The following NEDD4L variants were observed in gnomAD, a reference collection of about 807,000 sequenced individuals.
NEDD4L encodes the protein NEDD4 like E3 ubiquitin protein ligase, also known as E3 ubiquitin-protein ligase NEDD4-like.
NEDD4L carries 54 observed loss-of-function variants against 148.9 expected under a neutral mutation model. That is an observed-to-expected ratio of 0.36 (90% confidence interval 0.29 to 0.45). The LOEUF (loss-of-function observed/expected upper bound fraction) is 0.45, where lower values mean the gene tolerates loss of function less well. NEDD4L is among the 20% of genes least tolerant of loss of function. NEDD4L has a pLI of 1.00. For missense variants in NEDD4L, 856 were observed against 1,233.8 expected, an observed-to-expected ratio of 0.69 and a Z score of 4.59; for synonymous variants, 433 against 440.7, an observed-to-expected ratio of 0.98 and a Z score of 0.22.
At chr18:58,317,935 AG>A (rs1395412952) in intron 6 of NEDD4L, among the ~76,000 whole-genome samples, 7 of 152,212 alleles carry the variant, frequency 4.6e-5, no homozygotes, top group African/African-American at 1.7e-4. Flanking sequence ...AGAAAACAAA[AG>A]GAGAGGCGTG....
chr18:58,125,268 C>T (rs2030832083), intron 1 of NEDD4L, among the ~76,000 whole-genome samples: 1 of 152,104 alleles, frequency 6.6e-6, no homozygotes, highest in South Asian at 2.1e-4. Context: ...ACAGAAATTT[C>T]CTGTGTTGCA....
At position 58,256,144 on chromosome 18, in the gene NEDD4L, C is replaced by T. The variant is rs1284359852; in HGVS notation, c.297+4090C>T. The stretch of plus-strand genomic sequence containing the variant: ...GGGACCCAGGGCTCCAGGTCAACGG[C>T]ACGTGCGGCCGCCGCGTGCGGTGCT... On this transcript the variant is annotated intron_variant, in intron 5 of 30. Transcript: ENST00000400345. This position sits in a 1 kb window ranked among gnomAD's most constrained non-coding sequence, Gnocchi z 5.2. 3 of 1,222,686 alleles carry T rather than the reference C, an allele frequency of 2.5e-6. No homozygotes were observed. The highest frequency in any genetic ancestry group is 3.1e-6 in the Non-Finnish European group (3 of 982,386). 75.7% of individuals were successfully genotyped at this position (1,222,686 alleles called of 1,614,324 possible).
chr18:58,339,038 C>G (rs928747175), intron 13 of NEDD4L, among the ~76,000 whole-genome samples: 2 of 152,114 alleles, frequency 1.3e-5, no homozygotes, highest in Non-Finnish European at 2.9e-5. Context: ...AGTGTCCTTT[C>G]CAGAGATTGA....
chr18:58,221,259 C>G (rs751299067), intron 2 of NEDD4L, among the ~76,000 whole-genome samples: 1 of 152,142 alleles, frequency 6.6e-6, no homozygotes, highest in Non-Finnish European at 1.5e-5. Flanking sequence ...TCTGATCTGG[C>G]TTTAAATAAG....
At position 58,398,597 on chromosome 18, in the gene NEDD4L, A is replaced by G. The variant is rs535458661; in HGVS notation, c.*2328A>G. ...ACTTGGAAGGCAGTAATTGTGAGTG[A>G]CACCTCAGTTCATCAACCCCTTAAT... On this transcript the variant is annotated 3_prime_UTR_variant, in exon 31 of 31. Coordinates refer to ENST00000400345, the MANE Select transcript of NEDD4L (RefSeq NM_001144967.3). 2 of 152,388 alleles carry G rather than the reference A, an allele frequency of 1.3e-5. No homozygotes were observed. Among genetic ancestry groups the G allele is most frequent in the African/African-American group, 4.8e-5 (2 of 41,594 alleles). The allele number at this position is 152,388 out of a possible 1,614,324, so 9.4% of individuals were successfully genotyped here. A position where few individuals can be genotyped will look rare whatever the true frequency, so the allele number is the denominator to read the frequency against.
At chr18:58,085,421 A>G (rs771165860) in intron 1 of NEDD4L, among the ~76,000 whole-genome samples, 1 of 152,176 alleles carries the variant, frequency 6.6e-6, no homozygotes, top group African/African-American at 2.4e-5. Flanking sequence ...CTGTAAAACC[A>G]TGCTTCAGGA....
At chr18:58,302,363 G>A (rs2056588465) in intron 5 of NEDD4L, among the ~76,000 whole-genome samples, 1 of 152,148 alleles carries the variant, frequency 6.6e-6, no homozygotes, top group Admixed American at 6.5e-5. Context: ...ATTGCTTTAT[G>A]AAATTATTTT....
intron 2 of NEDD4L, among the ~76,000 whole-genome samples, chr18:58,243,554 A>AC (rs2046893271): frequency 6.6e-6 from 1 of 151,764 alleles, no homozygotes; most frequent in Non-Finnish European, 1.5e-5. Flanking sequence ...TGTTTTAATC[A>AC]CCCCCTCCCC....
chr18:58,234,062 T>TTTCTTTCC (rs2045609240), intron 2 of NEDD4L, among the ~76,000 whole-genome samples: 1 of 84,558 alleles, frequency 1.2e-5, no homozygotes, highest in Non-Finnish European at 2.3e-5. Context: ...TCTTTCTTTC[T>TTTCTTTCC]TTCTTTCTTT....
intron 1 of NEDD4L, among the ~76,000 whole-genome samples, chr18:58,050,386 C>T (rs1379440732): frequency 6.6e-6 from 1 of 152,072 alleles, no homozygotes; most frequent in Non-Finnish European, 1.5e-5. Context: ...AGGAGAATAG[C>T]TTGAACCCTG....
intron 1 of NEDD4L, among the ~76,000 whole-genome samples, chr18:58,153,449 C>T (rs895895259): frequency 1.3e-5 from 2 of 151,530 alleles, no homozygotes; most frequent in Non-Finnish European, 2.9e-5. Context: ...CAGCGGTTCT[C>T]CTGCCTCAGC....
intron 2 of NEDD4L, among the ~76,000 whole-genome samples, chr18:58,193,026 C>G (rs151109821): frequency 1.1e-3 from 167 of 152,266 alleles, no homozygotes; most frequent in South Asian, 2.1e-3. Context: ...GTGGCAGTTG[C>G]AAAGGTTTTT....
intron 14 of NEDD4L, among the ~76,000 whole-genome samples, 166 bp downstream of exon 14, chr18:58,341,335 G>A (rs2042394740): frequency 6.6e-6 from 1 of 152,174 alleles, no homozygotes; most frequent in Non-Finnish European, 1.5e-5. Flanking sequence ...GCCTAAGGAA[G>A]AATTTGCTTT....
At chr18:58,274,076 G>A (rs1195339249) in intron 5 of NEDD4L, among the ~76,000 whole-genome samples, 3 of 152,160 alleles carry the variant, frequency 2.0e-5, no homozygotes, top group Non-Finnish European at 4.4e-5. Flanking sequence ...TTGCTTTAGG[G>A]ATCCAGCTGC....
intron 5 of NEDD4L, among the ~76,000 whole-genome samples, chr18:58,260,177 A>G (rs1303001361): frequency 3.3e-5 from 5 of 152,216 alleles, no homozygotes; most frequent in African/African-American, 1.2e-4. Flanking sequence ...TCTCAAAAAA[A>G]TAAAAATAAA....
chr18:58,138,152 T>C (rs1478770176), intron 1 of NEDD4L, among the ~76,000 whole-genome samples: 1 of 152,238 alleles, frequency 6.6e-6, no homozygotes, highest in Admixed American at 6.5e-5. Context: ...TCTGATATTT[T>C]CTGGTTGAGT....
intron 2 of NEDD4L, among the ~76,000 whole-genome samples, chr18:58,218,387 G>A (rs1308167395): frequency 6.6e-6 from 1 of 152,118 alleles, no homozygotes; most frequent in Non-Finnish European, 1.5e-5. Context: ...ACAATTAAAG[G>A]AATGTCATGA....
intron 1 of NEDD4L, among the ~76,000 whole-genome samples, chr18:58,140,000 A>G (rs1487410241): frequency 2.0e-5 from 3 of 152,216 alleles, no homozygotes; most frequent in Non-Finnish European, 4.4e-5. Context: ...ACATTGGTTC[A>G]GTGCTCATTG....
intron 12 of NEDD4L, among the ~76,000 whole-genome samples, chr18:58,335,214 A>C (rs1846836044): frequency 6.6e-6 from 1 of 151,914 alleles, no homozygotes; most frequent in African/African-American, 2.4e-5. Context: ...CCAGCTTTCC[A>C]TTTTTCTCTA....
Sources: gnomAD v4.1 joint callset for allele counts (sites outside exome capture counted in the v4.1 genomes callset) on GRCh38, gnomAD v4.1.1 for gene constraint, Gnocchi (gnomAD v3.1) non-coding constraint, MANE v1.5 for transcripts, NCBI Gene and HGNC (gene_info 2026-07-23, HGNC 2026-07-21) for gene names.